The following RNF217 variants were observed in gnomAD, a reference collection of about 807,000 sequenced individuals.
RNF217 encodes the protein ring finger protein 217.
Under a neutral mutation model 57.8 loss-of-function variants are expected in RNF217, and 31 were observed. The ratio of observed to expected loss-of-function variants is 0.54; its 90% CI spans 0.40 to 0.72. The LOEUF (loss-of-function observed/expected upper bound fraction) is 0.72. Among genes scored for constraint, RNF217 ranks in the 30% least tolerant of loss-of-function variants. RNF217 has a pLI of 0.00. For missense variants in RNF217, 696 were observed against 708.3 expected (o/e 0.98, Z 0.20); for synonymous variants, 313 against 294.0 (o/e 1.06, Z -0.66).
At chr6:125,034,227 T>C (rs1367068933) in intron 1 of RNF217, among the ~76,000 whole-genome samples, 1 of 152,232 alleles carries the variant, frequency 6.6e-6, no homozygotes, top group Non-Finnish European at 1.5e-5. Context: ...ATTTTTTCTT[T>C]TGTTGCCATT....
intron 2 of RNF217, among the ~76,000 whole-genome samples, chr6:125,047,532 T>A (rs576558): frequency 0.011 from 1,633 of 152,114 alleles, 40 homozygotes; most frequent in African/African-American, 0.038. Flanking sequence ...TATCAATTTG[T>A]TGTAGGTAAG....
At chr6:125,070,149 C>T (rs1411125640) in intron 3 of RNF217, among the ~76,000 whole-genome samples, 1 of 152,140 alleles carries the variant, frequency 6.6e-6, no homozygotes, top group South Asian at 2.1e-4. Flanking sequence ...GTAATGGCCT[C>T]CAGCTCCATC....
At chr6:125,002,901 T>C (rs1400235677) in intron 1 of RNF217, among the ~76,000 whole-genome samples, 2 of 152,150 alleles carry the variant, frequency 1.3e-5, no homozygotes, top group Non-Finnish European at 2.9e-5. Context: ...TAGTTCTGGG[T>C]CTACAGCATA....
At chr6:124,994,042 G>T (rs1227570398) in intron 1 of RNF217, among the ~76,000 whole-genome samples, 11 of 152,072 alleles carry the variant, frequency 7.2e-5, no homozygotes, top group Admixed American at 7.2e-4. Context: ...GTGGAGAAGG[G>T]ACTGGAAAGA....
chr6:125,053,923 T>C (rs1787423453), intron 2 of RNF217, among the ~76,000 whole-genome samples: 1 of 152,148 alleles, frequency 6.6e-6, no homozygotes. Context: ...TAGGACAATG[T>C]ATTTAGTAAA....
chr6:125,001,676 A>G (rs1342242361), intron 1 of RNF217, among the ~76,000 whole-genome samples: 1 of 152,162 alleles, frequency 6.6e-6, no homozygotes, highest in African/African-American at 2.4e-5. Flanking sequence ...CTTTCCCTTT[A>G]AGTTTGCAAT....
At position 124,963,282 on chromosome 6, in the gene RNF217, T is replaced by C; in HGVS notation, c.738T>C (p.Ser246=). 3 of 1,535,930 alleles carry C rather than the reference T, an allele frequency of 2.0e-6. No homozygotes were observed. The highest frequency in any genetic ancestry group is 2.6e-6 in the Non-Finnish European group (3 of 1,146,820). The part of the protein sequence containing the change: ...MPSLLGAPPY[S]GLGGVGDPYV... ...GCCTGTTGGGAGCTCCACCCTACTC[T>C]GGCCTGGGCGGTGTAGGGGATCCCT... Residue 246 remains serine (S), a synonymous_variant, in exon 1 of 6, where the codon TCT becomes TCC. Transcript: ENST00000521654.
At chr6:125,051,997 C>T (rs531396778) in intron 2 of RNF217, among the ~76,000 whole-genome samples, 2 of 151,944 alleles carry the variant, frequency 1.3e-5, no homozygotes, top group African/African-American at 4.8e-5. Context: ...TCTGTAAATG[C>T]TGAAGGTGTT....
At chr6:125,034,292 A>T (rs1004409982) in intron 1 of RNF217, among the ~76,000 whole-genome samples, 4 of 152,114 alleles carry the variant, frequency 2.6e-5, no homozygotes, top group Non-Finnish European at 4.4e-5. Context: ...CTGAATGGTA[A>T]TGCCTAGGTT....
intron 1 of RNF217, among the ~76,000 whole-genome samples, chr6:125,020,944 T>C (rs910692229): frequency 1.4e-4 from 21 of 152,222 alleles, no homozygotes; most frequent in Non-Finnish European, 2.5e-4. Context: ...ATGCTTATTT[T>C]TCTAAATGAT....
At chr6:124,989,868 A>G (rs1160126007) in intron 1 of RNF217, among the ~76,000 whole-genome samples, 8 of 102,198 alleles carry the variant, frequency 7.8e-5, no homozygotes, top group Admixed American at 1.9e-4. Context: ...TCTCTGCTTG[A>G]AAAAAAAAAC....
chr6:124,996,628 G>C (rs1256579027), intron 1 of RNF217: 1 of 152,128 alleles, frequency 6.6e-6, no homozygotes, highest in East Asian at 1.9e-4. Flanking sequence ...GAAGAGTCAA[G>C]TTTTGTGTAA....
intron 4 of RNF217, among the ~76,000 whole-genome samples, chr6:125,077,681 A>C (rs1250519192): frequency 6.6e-6 from 1 of 152,116 alleles, no homozygotes; most frequent in Non-Finnish European, 1.5e-5. Flanking sequence ...CTGGAATGTA[A>C]CCATGTGAGA....
chr6:125,050,055 G>A (rs1218112193), intron 2 of RNF217, among the ~76,000 whole-genome samples: 2 of 151,910 alleles, frequency 1.3e-5, no homozygotes, highest in Admixed American at 1.3e-4. Flanking sequence ...GGGAGGTAGA[G>A]GAGGTGATAG....
intron 2 of RNF217, among the ~76,000 whole-genome samples, chr6:125,052,424 G>A (rs1787361360): frequency 6.6e-6 from 1 of 151,858 alleles, no homozygotes; most frequent in African/African-American, 2.4e-5. Context: ...TAGCTGTGCT[G>A]TGAGAAACTA....
chr6:125,030,882 T>A (rs533217336), intron 1 of RNF217, among the ~76,000 whole-genome samples: 1 of 152,284 alleles, frequency 6.6e-6, no homozygotes, highest in East Asian at 1.9e-4. Flanking sequence ...GACCCCACAT[T>A]TTCCTCCCGC....
At chr6:125,079,295 T>G (rs2114649888) in intron 4 of RNF217, among the ~76,000 whole-genome samples, 1 of 152,260 alleles carries the variant, frequency 6.6e-6, no homozygotes, top group South Asian at 2.1e-4. Context: ...AAATTTTAAA[T>G]TCTCATATTA....
intron 1 of RNF217, among the ~76,000 whole-genome samples, chr6:125,040,401 A>T (rs941165096): frequency 2.0e-5 from 3 of 152,190 alleles, no homozygotes; most frequent in Admixed American, 6.5e-5. Context: ...GAAGAAGTTG[A>T]ATCCCTGAAT....
At chr6:124,990,348 A>G (rs1206052180) in intron 1 of RNF217, among the ~76,000 whole-genome samples, 1 of 152,154 alleles carries the variant, frequency 6.6e-6, no homozygotes, top group African/African-American at 2.4e-5. Flanking sequence ...TTTCTAATTT[A>G]TATCCCGAGC....
Sources: allele counts gnomAD v4.1 joint callset (sites outside exome capture counted in the v4.1 genomes callset), GRCh38; gene constraint gnomAD v4.1.1; transcripts MANE v1.5; gene names NCBI Gene and HGNC (gene_info 2026-07-23, HGNC 2026-07-21).